The following CSMD2 variants were observed in gnomAD, a reference collection of about 807,000 sequenced individuals.
The protein encoded by CSMD2 is CUB and Sushi multiple domains 2.
Under a neutral mutation model 398.5 loss-of-function variants are expected in CSMD2, and 130 were observed. The observed-to-expected ratio is 0.33, with a 90% confidence interval of 0.28 to 0.38. The LOEUF is 0.38. CSMD2 is among the 10% of genes least tolerant of loss of function. The pLI, the probability that CSMD2 is intolerant of heterozygous loss-of-function variation, is 1.00. For missense variants in CSMD2, 3,829 were observed against 4,764.9 expected, an observed-to-expected ratio of 0.80 and a Z score of 5.78; for synonymous variants, 1,828 against 1,908.5, an observed-to-expected ratio of 0.96 and a Z score of 1.10.
At chr1:33,944,153 CCA>C (rs1644766928) in intron 3 of CSMD2, among the ~76,000 whole-genome samples, 1 of 152,140 alleles carries the variant, frequency 6.6e-6, no homozygotes, top group East Asian at 1.9e-4. Flanking sequence ...GACCCACAGA[CCA>C]CAGTTTGCTG....
intron 2 of CSMD2, among the ~76,000 whole-genome samples, chr1:34,066,679 G>A: frequency 6.6e-6 from 1 of 152,086 alleles, no homozygotes; most frequent in East Asian, 1.9e-4. Context: ...GGGAGGCAGG[G>A]GTCTGGCGGG....
intron 27 of CSMD2, among the ~76,000 whole-genome samples, chr1:33,654,589 G>A (rs916683931): frequency 2.0e-5 from 3 of 152,210 alleles, no homozygotes; most frequent in African/African-American, 4.8e-5. Flanking sequence ...GATAAGTGGG[G>A]CCAAGCAGAG....
intron 25 of CSMD2, among the ~76,000 whole-genome samples, chr1:33,672,374 C>A (rs963496550): frequency 6.6e-6 from 1 of 152,208 alleles, no homozygotes; most frequent in Non-Finnish European, 1.5e-5. Flanking sequence ...GCTAGCACAG[C>A]AGTCTGAGAT....
chr1:33,590,261 A>T (rs1639339964), intron 44 of CSMD2, among the ~76,000 whole-genome samples: 1 of 149,020 alleles, frequency 6.7e-6, no homozygotes, highest in African/African-American at 2.5e-5. Flanking sequence ...AGCTGGGACT[A>T]CAGACTCATG....
At chr1:33,550,124 C>T in intron 56 of CSMD2, 53 bp downstream of exon 56, 1 of 1,567,394 alleles carries the variant, frequency 6.4e-7, no homozygotes. Flanking sequence ...TCGTCTACCT[C>T]CCATCAGTCA....
chr1:33,886,973 A>AC (rs1178224293), intron 5 of CSMD2, among the ~76,000 whole-genome samples: 28 of 151,368 alleles, frequency 1.8e-4, no homozygotes, highest in East Asian at 5.8e-4. Context: ...TGAGACTCAG[A>AC]GGTTTTTTTT....
chr1:33,687,937 A>C (rs774374780), intron 25 of CSMD2, among the ~76,000 whole-genome samples: 2 of 152,264 alleles, frequency 1.3e-5, no homozygotes, highest in Non-Finnish European at 2.9e-5. Flanking sequence ...CCTATTGTCC[A>C]TCTAAGCGGT....
intron 10 of CSMD2, 39 bp downstream of exon 10, chr1:33,810,704 C>T (rs1656764342): frequency 3.7e-6 from 6 of 1,605,164 alleles, no homozygotes; most frequent in East Asian, 4.6e-5. Context: ...CAACCTAGCC[C>T]TGCCCACAGA....
chr1:33,960,070 G>A (rs1459556133), intron 3 of CSMD2, among the ~76,000 whole-genome samples: 1 of 152,154 alleles, frequency 6.6e-6, no homozygotes, highest in African/African-American at 2.4e-5. Flanking sequence ...AGGTCACAAT[G>A]GTCCACAGTG....
chr1:34,072,919 C>T lies in CSMD2; in HGVS notation c.404+16058G>A, dbSNP rs183361246. On this transcript the variant is annotated intron_variant, in intron 2 of 70. Coordinates refer to ENST00000373381, the MANE Select transcript of CSMD2 (RefSeq NM_001281956.2). ...CTCATCCCTGGCAGACCCCACTCCT[C>T]CCCTTCCATAACCCCCTTCGGTGCT... Among the ~76,000 whole-genome samples, 56 of 152,274 alleles carry T rather than the reference C, an allele frequency of 3.7e-4. No homozygotes were observed. In the East Asian group the frequency reaches 7.8e-3, roughly 21 times the overall value.
intron 5 of CSMD2, among the ~76,000 whole-genome samples, chr1:33,854,743 AG>A (rs1292611450): frequency 1.3e-5 from 2 of 152,244 alleles, no homozygotes; most frequent in Non-Finnish European, 2.9e-5. Context: ...GCTAATTGTT[AG>A]CTCCAGGGAA....
At chr1:34,111,403 T>G (rs942202489) in intron 1 of CSMD2, among the ~76,000 whole-genome samples, 1 of 152,144 alleles carries the variant, frequency 6.6e-6, no homozygotes, top group African/African-American at 2.4e-5. Flanking sequence ...CTGAGTTCCT[T>G]GGGGACACAG....
Position 34,069,233 on chromosome 1 carries a change from T to C in CSMD2, c.404+19744A>G, listed in dbSNP as rs923215082. On this transcript the variant is annotated intron_variant, in intron 2 of 70. Coordinates refer to ENST00000373381, the MANE Select transcript of CSMD2 (RefSeq NM_001281956.2). ...TACAGGGTATTCAACTATTTATTCA[T>C]TCATTGGGCAAGAATTTGCTGAGAC... 2.6e-5 allele frequency among the ~76,000 whole-genome samples: 4 copies of C among 152,078 alleles called. No homozygotes were observed. The South Asian group carries it at 8.3e-4, about 32-fold the overall frequency.
At chr1:33,733,224 C>A (rs186091766) in intron 15 of CSMD2, among the ~76,000 whole-genome samples, 2 of 152,286 alleles carry the variant, frequency 1.3e-5, no homozygotes, top group African/African-American at 2.4e-5. Context: ...CTCAGCCCTG[C>A]GGCTGGAAGT....
chr1:33,732,124 G>GCA (rs144338591), intron 15 of CSMD2, among the ~76,000 whole-genome samples: 196 of 150,654 alleles, frequency 1.3e-3, no homozygotes, highest in East Asian at 7.4e-3. Flanking sequence ...GCGTGCACAT[G>GCA]CACACACACA....
intron 8 of CSMD2, 23 bp downstream of exon 8, chr1:33,820,446 G>A (rs1160928746): frequency 8.3e-6 from 13 of 1,567,864 alleles, no homozygotes; most frequent in Non-Finnish European, 1.1e-5. Context: ...CTTGCAATCA[G>A]AAAATTCCCA....
chr1:33,681,217 C>A (rs1644900333), intron 25 of CSMD2, among the ~76,000 whole-genome samples: 1 of 152,040 alleles, frequency 6.6e-6, no homozygotes, highest in Non-Finnish European at 1.5e-5. Context: ...AGACACCACG[C>A]CTGGCTGTGT....
chr1:33,826,846 G>A (rs886368744), intron 6 of CSMD2, among the ~76,000 whole-genome samples: 5 of 152,086 alleles, frequency 3.3e-5, no homozygotes, highest in African/African-American at 7.2e-5. Context: ...AGCTACCCAC[G>A]GTGCCATCTT....
intron 1 of CSMD2, among the ~76,000 whole-genome samples, chr1:34,116,002 A>C (rs544884197): frequency 1.8e-4 from 28 of 152,030 alleles, no homozygotes; most frequent in Non-Finnish European, 2.9e-4. Context: ...AAAAACAATC[A>C]ACAAAACACA....
Sources: allele counts gnomAD v4.1 joint callset (sites outside exome capture counted in the v4.1 genomes callset), GRCh38; gene constraint gnomAD v4.1.1; transcripts MANE v1.5; gene names NCBI Gene and HGNC (gene_info 2026-07-23, HGNC 2026-07-21).